The following PAX6 variants were observed in gnomAD, a reference collection of about 807,000 sequenced individuals.
The protein encoded by PAX6 is paired box 6, also known as paired box protein Pax-6.
PAX6 carries 7 observed loss-of-function variants against 60.7 expected under a neutral mutation model. The observed-to-expected ratio is 0.12, with a 90% CI of 0.07 to 0.22. The LOEUF (loss-of-function observed/expected upper bound fraction) is 0.22. PAX6 is among the 10% of genes least tolerant of loss of function. PAX6 has a pLI of 1.00. For missense variants in PAX6, 355 were observed against 555.2 expected (o/e 0.64, Z 3.62); for synonymous variants, 208 against 201.2 (o/e 1.03, Z -0.29).
chr11:31,804,380 A>C (rs1955078247), intron 4 of PAX6: 1 of 152,160 alleles, frequency 6.6e-6, no homozygotes, highest in Non-Finnish European at 1.5e-5. Flanking sequence ...ATTGAACTGC[A>C]CTTGTTTCCC....
intron 5 of PAX6, 111 bp from the exon 6 acceptor site, chr11:31,802,023 A>G: frequency 3.3e-6 from 3 of 898,068 alleles, no homozygotes; most frequent in East Asian, 2.5e-5. Context: ...ATACTTTCAA[A>G]CAATTTGAAC....
rs567326750 is a variant in PAX6, at chr11:31,800,683, G to A, written c.565+8C>T. On this transcript the variant is annotated splice_region_variant and intron_variant, in intron 8 of 13. Coordinates refer to ENST00000640368, the MANE Select transcript of PAX6 (RefSeq NM_001368894.2). ...GGAGAGCTGCGTGGATGGCTGCTTGGGTTTTACCTTGCGTAGGTTGCCCTG... is the reference window on the plus strand; with the variant it reads ...GGAGAGCTGCGTGGATGGCTGCTTGAGTTTTACCTTGCGTAGGTTGCCCTG... 1 of 1,614,030 alleles carries A rather than the reference G, an allele frequency of 6.2e-7. No individual in the cohort carries two copies. Among genetic ancestry groups the A allele is most frequent in the East Asian group, 2.2e-5 (1 of 44,890 alleles).
intron 8 of PAX6, among the ~76,000 whole-genome samples, chr11:31,796,010 A>C (rs1295990831): frequency 2.0e-5 from 3 of 152,252 alleles, no homozygotes; most frequent in Non-Finnish European, 4.4e-5. Context: ...ACCAGGAGAC[A>C]ATAGGCTGCG....
upstream of PAX6, chr11:31,811,446 A>C (rs1234176118): frequency 5.2e-6 from 2 of 386,402 alleles, no homozygotes; most frequent in African/African-American, 4.1e-5. Flanking sequence ...TTGAATATGA[A>C]TACACTTGTT....
intron 2 of PAX6, chr11:31,809,936 G>T (rs1229191701): frequency 6.6e-6 from 1 of 152,434 alleles, no homozygotes; most frequent in Non-Finnish European, 1.5e-5. Flanking sequence ...ACAGGGAAGA[G>T]CCCCAGCCTC....
intron 4 of PAX6, 124 bp from the exon 5 acceptor site, chr11:31,802,958 G>A: frequency 2.0e-6 from 2 of 982,584 alleles, no homozygotes; most frequent in Non-Finnish European, 3.1e-6. Context: ...GAGGAGGAAG[G>A]GGAAGAGGAA....
intron 13 of PAX6, 191 bp from the exon 14 acceptor site, chr11:31,790,210 A>G (rs1949424330): frequency 1.8e-6 from 1 of 566,022 alleles, no homozygotes; most frequent in African/African-American, 1.9e-5. Context: ...CAATATATGT[A>G]TATATACCTA....
At chr11:31,795,857 G>A (rs1449573343) in intron 8 of PAX6, among the ~76,000 whole-genome samples, 1 of 152,234 alleles carries the variant, frequency 6.6e-6, no homozygotes. Flanking sequence ...CTGGGTCCTG[G>A]GTCTGGGGTC....
intron 1 of PAX6, among the ~76,000 whole-genome samples, chr11:31,817,638 T>C (rs1413852371): frequency 6.6e-6 from 1 of 152,186 alleles, no homozygotes; most frequent in Non-Finnish European, 1.5e-5. Flanking sequence ...CCACCCCCCT[T>C]CCTATCCCTC....
At position 31,802,002 on chromosome 11, in the gene PAX6, C is replaced by G; in HGVS notation, c.142-90G>C. On this transcript the variant is annotated intron_variant, in intron 5 of 13. Transcript: ENST00000640368. ...ATTACATTTGTAGCCCTAAAAACTA[C>G]AAATATGATGATACTTTCAAACAAT... 3 of 1,007,546 alleles carry G rather than the reference C, an allele frequency of 3.0e-6. No individual in the cohort carries two copies. In the South Asian group the frequency reaches 4.2e-5, roughly 14 times the overall value. 62.4% of individuals were successfully genotyped at this position (1,007,546 alleles called of 1,614,324 possible).
In PAX6 at chr11:31,811,132, G is replaced by A; in HGVS notation, c.-334C>T. On this transcript the variant is annotated 5_prime_UTR_variant, in exon 1 of 14. Coordinates refer to ENST00000640368, the MANE Select transcript of PAX6 (RefSeq NM_001368894.2). ...CAGCACACCTATGCTGATTGGTGAT[G>A]GCTCAAGTGTGTTAATGTGTGTGTG... is the stretch of plus-strand genomic sequence containing the variant. 2.5e-6 allele frequency: 1 copy of A among 399,180 alleles called. No homozygotes were observed. The highest frequency in any genetic ancestry group is 4.4e-6 in the Non-Finnish European group (1 of 226,178). The allele number at this position is 399,180 out of a possible 1,614,324, so 24.7% of individuals were successfully genotyped here.
chr11:31,792,193 T>C (rs532963198), intron 12 of PAX6: 14 of 152,298 alleles, frequency 9.2e-5, no homozygotes, highest in Non-Finnish European at 1.5e-4. Flanking sequence ...CCTGCCAGAA[T>C]TTCAGCTTGC....
chr11:31,797,463 G>C (rs1951944754), intron 8 of PAX6, among the ~76,000 whole-genome samples: 1 of 132,338 alleles, frequency 7.6e-6, no homozygotes, highest in Admixed American at 8.7e-5. Flanking sequence ...TGACACTTAA[G>C]AGAGAAAAGT....
chr11:31,806,195 T>C (rs780769208), intron 4 of PAX6: 9 of 535,382 alleles, frequency 1.7e-5, no homozygotes, highest in East Asian at 1.7e-4. Flanking sequence ...GCCCAGCCCC[T>C]GCTTCTCCAG....
At chr11:31,813,200 G>C (rs2135433054), upstream of PAX6, 1 of 152,280 alleles carries the variant, frequency 6.6e-6, no homozygotes, top group South Asian at 2.1e-4. Context: ...GCGGCCTCCT[G>C]GGCGAGGTTT....
rs36004875 is a variant in PAX6, at chr11:31,797,507, GAAA to G, written c.566-2722_566-2720del. On this transcript the variant is annotated intron_variant, in intron 8 of 13. Coordinates refer to ENST00000640368, the MANE Select transcript of PAX6 (RefSeq NM_001368894.2). Reference sequence around the variant, plus strand: ...ACAGTAGAGCTCAATTTTAAATCTGGAAAAAAAAAAAAAAAAAAAAAAGATGGG... The same window carrying G: ...ACAGTAGAGCTCAATTTTAAATCTGGAAAAAAAAAAAAAAAAAAAGATGGG... 4.2e-3 allele frequency among the ~76,000 whole-genome samples: 424 copies of G among 101,390 alleles called. 2 individuals carry two copies. The highest frequency in any genetic ancestry group is 0.015 in the African/African-American group (398 of 26,400). The allele number at this position is 101,390 out of a possible 152,430, so 66.5% of individuals were successfully genotyped here.
At chr11:31,803,853 T>C (rs1418030668) in intron 4 of PAX6, 2 of 152,382 alleles carry the variant, frequency 1.3e-5, no homozygotes, top group Non-Finnish European at 2.9e-5. Flanking sequence ...CCTTAGAGAA[T>C]AGGGAGAGGG....
Position 31,789,565 on chromosome 11 carries a change from T to C in PAX6, c.*369A>G, listed in dbSNP as rs1338520045. The stretch of plus-strand genomic sequence containing the variant: ...AATTCGTGGCAAAGCTTGTTGATCA[T>C]GGTTTTCTTTTTAAAAAAAAAAAAA... On this transcript the variant is annotated 3_prime_UTR_variant, in exon 14 of 14. Coordinates refer to ENST00000640368, the MANE Select transcript of PAX6 (RefSeq NM_001368894.2). 5.0e-5 allele frequency: 30 copies of C among 605,456 alleles called. 2 individuals are homozygous for C. The South Asian group carries it at 5.2e-4, about 10-fold the overall frequency. 37.5% of individuals were successfully genotyped at this position (605,456 alleles called of 1,614,324 possible). A position where few individuals can be genotyped will look rare whatever the true frequency, so the allele number is the denominator to read the frequency against.
chr11:31,794,427 CACACACACACACACACACACA>C, intron 9 of PAX6, 182 bp downstream of exon 9: 1 of 9,276 alleles, frequency 1.1e-4, no homozygotes, highest in African/African-American at 4.2e-3. Flanking sequence ...ACACCACACA[CACACACACACACACACACACA>C]CACACACACA....
Sources: gnomAD v4.1 joint callset for allele counts (sites outside exome capture counted in the v4.1 genomes callset) on GRCh38, gnomAD v4.1.1 for gene constraint, MANE v1.5 for transcripts, NCBI Gene and HGNC (gene_info 2026-07-23, HGNC 2026-07-21) for gene names.